Variants in NCOA4 observed in about 807,000 individuals in gnomAD.
NCOA4 encodes the protein nuclear receptor coactivator 4.
A neutral mutation model predicts 69.5 loss-of-function variants in NCOA4; 31 were observed. The observed-to-expected ratio is 0.45, with a 90% CI of 0.34 to 0.60. NCOA4 has a LOEUF of 0.60. NCOA4 is among the 20% of genes least tolerant of loss of function. The probability of loss-of-function intolerance (pLI) is 0.02; values close to 1 mark genes in which losing one functional copy is unlikely to be tolerated. For missense variants in NCOA4, 600 were observed against 719.2 expected (o/e 0.83, Z 1.90); for synonymous variants, 228 against 252.4 (o/e 0.90, Z 0.92).
chr10:46,030,578 CACGGCCCCACACTAACCT>C lies in NCOA4; in HGVS notation c.-85_-68del. 6.6e-6 allele frequency: 1 copy of C among 152,408 alleles called. No homozygotes were observed. The highest frequency in any genetic ancestry group is 2.1e-4 in the South Asian group (1 of 4,834). 9.4% of individuals were successfully genotyped at this position (152,408 alleles called of 1,614,324 possible). On this transcript the variant is annotated 5_prime_UTR_variant, in exon 1 of 10. Transcript: ENST00000581486. ...CGAGGAGACCTTGGGTGGACTGAGA[CACGGCCCCACACTAACCT>C]ACGGCCCAAAGGCAGAGTTCTCGCG...
chr10:46,023,296 G>A (rs1300237815), intron 1 of NCOA4: 12 of 985,420 alleles, frequency 1.2e-5, no homozygotes, highest in Non-Finnish European at 1.4e-5. Context: ...GGCCTCAAGG[G>A]CTCCCGCTAC....
At chr10:46,013,708 A>G in intron 5 of NCOA4, 69 bp from the exon 6 acceptor site, 1 of 1,104,746 alleles carries the variant, frequency 9.1e-7, no homozygotes, top group African/African-American at 1.6e-5. Flanking sequence ...TTATAATTCC[A>G]AATTTCAAAA....
intron 1 of NCOA4, among the ~76,000 whole-genome samples, chr10:46,022,247 C>A (rs1401749379): frequency 5.9e-5 from 9 of 152,114 alleles, no homozygotes; most frequent in African/African-American, 2.2e-4. Flanking sequence ...AAAGGCCAAG[C>A]GCAGCATCTA....
At chr10:46,026,170 G>A (rs1170709580) in intron 1 of NCOA4, among the ~76,000 whole-genome samples, 1 of 152,194 alleles carries the variant, frequency 6.6e-6, no homozygotes, top group Non-Finnish European at 1.5e-5. Flanking sequence ...TATTAATGCA[G>A]GAAGGTTTTT....
At chr10:46,027,049 A>C (rs1840190500) in intron 1 of NCOA4, among the ~76,000 whole-genome samples, 1 of 152,140 alleles carries the variant, frequency 6.6e-6, no homozygotes, top group Non-Finnish European at 1.5e-5. Flanking sequence ...GCGGATCACG[A>C]GGTCAGGTCA....
At position 46,014,733 on chromosome 10, in the gene NCOA4, G is replaced by T. The variant is rs1169005334; in HGVS notation, c.371+121C>A. On this transcript the variant is annotated intron_variant, in intron 4 of 9. Coordinates refer to ENST00000581486, the MANE Select transcript of NCOA4 (RefSeq NM_001145263.2). ...TAATATTAAATACATGAAGCAGAAT[G>T]ATCTTATCCTAGCAACACAGAAGTT... 5 of 842,142 alleles carry T rather than the reference G, an allele frequency of 5.9e-6. No individual in the cohort carries two copies. In the East Asian group the frequency reaches 1.0e-4, roughly 17 times the overall value. 52.2% of individuals were successfully genotyped at this position (842,142 alleles called of 1,614,324 possible). A position where few individuals can be genotyped will look rare whatever the true frequency, so the allele number is the denominator to read the frequency against.
At chr10:46,026,913 G>A (rs1840179721) in intron 1 of NCOA4, among the ~76,000 whole-genome samples, 1 of 152,182 alleles carries the variant, frequency 6.6e-6, no homozygotes. Context: ...TAACCCCAAA[G>A]AGGAACATCT....
rs113983044 is a variant in NCOA4 at position 46,006,369 on chromosome 10, A to T, written c.*223T>A. 3.7e-6 allele frequency: 2 copies of T among 536,364 alleles called. No homozygotes were observed. The highest frequency in any genetic ancestry group is 3.1e-5 in the Admixed American group (1 of 32,084). The allele number at this position is 536,364 out of a possible 1,614,324, so 33.2% of individuals were successfully genotyped here. The stretch of plus-strand genomic sequence containing the variant: ...GGGTGAATTAAAATACTTCTGTAAG[A>T]AGGAGGGAACTGAATCACCTCAGCA... On this transcript the variant is annotated 3_prime_UTR_variant, in exon 10 of 10. Coordinates refer to ENST00000581486, the MANE Select transcript of NCOA4 (RefSeq NM_001145263.2).
intron 5 of NCOA4, among the ~76,000 whole-genome samples, chr10:46,014,057 C>T (rs1839389442): frequency 6.6e-6 from 1 of 151,814 alleles, no homozygotes; most frequent in South Asian, 2.1e-4. Context: ...CGGAGTCTCA[C>T]TGTTTGTCGC....
intron 7 of NCOA4, among the ~76,000 whole-genome samples, chr10:46,011,727 G>T (rs1554921689): frequency 1.3e-5 from 2 of 151,958 alleles, no homozygotes; most frequent in African/African-American, 2.4e-5. Flanking sequence ...CAAAGGATAT[G>T]ATCAGGCAAG....
At chr10:46,024,723 G>C (rs868917344) in intron 1 of NCOA4, among the ~76,000 whole-genome samples, 1 of 152,068 alleles carries the variant, frequency 6.6e-6, no homozygotes, top group Non-Finnish European at 1.5e-5. Flanking sequence ...AAAATGTTTA[G>C]GTTCTAAAGG....
intron 1 of NCOA4, among the ~76,000 whole-genome samples, chr10:46,018,996 G>A (rs1839719270): frequency 6.6e-6 from 1 of 152,152 alleles, no homozygotes; most frequent in Non-Finnish European, 1.5e-5. Flanking sequence ...AGTGGGAAGA[G>A]CAGCAAAACA....
chr10:46,012,033 C>A (rs1839240484), intron 7 of NCOA4, among the ~76,000 whole-genome samples: 1 of 122,168 alleles, frequency 8.2e-6, no homozygotes, highest in Non-Finnish European at 1.6e-5. Context: ...TACACTCCAG[C>A]CTGGGAGACA....
intron 1 of NCOA4, among the ~76,000 whole-genome samples, chr10:46,023,649 G>A (rs868980968): frequency 6.6e-6 from 1 of 152,248 alleles, no homozygotes; most frequent in African/African-American, 2.4e-5. Context: ...CCAGCTAGAA[G>A]GACCTCGGAT....
Position 46,005,921 on chromosome 10 carries a change from G to A in NCOA4, c.*671C>T, listed in dbSNP as rs1554919523. On this transcript the variant is annotated 3_prime_UTR_variant, in exon 10 of 10. Transcript: ENST00000581486. ...TGAAATAATACTGAGTCCTTCTAAA[G>A]AGCTCACTGGATATTTTAATAACAT... The A allele has an allele frequency of 4.8e-6, 1 of 206,992 alleles. No individual in the cohort carries two copies. Among genetic ancestry groups the A allele is most frequent in the African/African-American group, 2.3e-5 (1 of 43,910 alleles). 12.8% of individuals were successfully genotyped at this position (206,992 alleles called of 1,614,324 possible). A position where few individuals can be genotyped will look rare whatever the true frequency, so the allele number is the denominator to read the frequency against.
intron 1 of NCOA4, among the ~76,000 whole-genome samples, chr10:46,026,861 A>G (rs1287052097): frequency 6.6e-6 from 1 of 152,184 alleles, no homozygotes. Context: ...AATGCTGCAT[A>G]AGAGGAATAT....
chr10:46,006,701 T>C, intron 9 of NCOA4, 104 bp from the exon 10 acceptor site: 1 of 1,032,434 alleles, frequency 9.7e-7, no homozygotes, highest in Non-Finnish European at 1.5e-6. Flanking sequence ...GGTATACCCT[T>C]GTTACATTGT....
chr10:46,021,471 C>A (rs1260110162), intron 1 of NCOA4, among the ~76,000 whole-genome samples: 1 of 152,180 alleles, frequency 6.6e-6, no homozygotes, highest in East Asian at 1.9e-4. Context: ...GTTCTCTCTC[C>A]CAGATGAGCT....
rs1554919538 is a variant in NCOA4, at chr10:46,005,967, C to G, written c.*625G>C. The G allele has an allele frequency of 9.8e-6, 2 of 204,990 alleles. No homozygotes were observed. The highest frequency in any genetic ancestry group is 1.0e-5 in the Non-Finnish European group (1 of 100,294). The allele number at this position is 204,990 out of a possible 1,614,324, so 12.7% of individuals were successfully genotyped here. A position where few individuals can be genotyped will look rare whatever the true frequency, so the allele number is the denominator to read the frequency against. ...AACATTTACAGAAAGACAAAATTTG[C>G]AGTAGCTGAGTTTAAGTGAAGAATA... On this transcript the variant is annotated 3_prime_UTR_variant, in exon 10 of 10. Transcript: ENST00000581486.
Sources: gnomAD v4.1 joint callset for allele counts (sites outside exome capture counted in the v4.1 genomes callset) on GRCh38, gnomAD v4.1.1 for gene constraint, MANE v1.5 for transcripts, NCBI Gene and HGNC (gene_info 2026-07-23, HGNC 2026-07-21) for gene names.